Variants in GRID2 observed in about 807,000 individuals in gnomAD.
The protein encoded by GRID2 is glutamate receptor ionotropic, delta-2.
Under a neutral mutation model 114.8 loss-of-function variants are expected in GRID2, and 33 were observed. The ratio of observed to expected loss-of-function variants is 0.29; its 90% CI spans 0.22 to 0.38. The LOEUF (loss-of-function observed/expected upper bound fraction) is 0.38, where lower values mean the gene tolerates loss of function less well. Among genes scored for constraint, GRID2 ranks in the 10% least tolerant of loss-of-function variants. The pLI, the probability that GRID2 is intolerant of heterozygous loss-of-function variation, is 1.00. For missense variants in GRID2, 1,184 were observed against 1,257.7 expected (o/e 0.94, Z 0.89); for synonymous variants, 505 against 449.9 (o/e 1.12, Z -1.55).
intron 8 of GRID2, among the ~76,000 whole-genome samples, chr4:93,360,015 T>C (rs1579812881): frequency 6.7e-6 from 1 of 148,908 alleles, no homozygotes; most frequent in East Asian, 2.0e-4. Context: ...GCAAGTCTTC[T>C]TAAAGTCTTG....
chr4:92,406,169 G>A (rs1169894256), intron 1 of GRID2, among the ~76,000 whole-genome samples: 1 of 152,096 alleles, frequency 6.6e-6, no homozygotes, highest in African/African-American at 2.4e-5. Flanking sequence ...AAATGTTAAT[G>A]TCCTTTGGCA....
intron 13 of GRID2, among the ~76,000 whole-genome samples, chr4:93,588,336 A>T (rs1380274644): frequency 6.6e-6 from 1 of 152,114 alleles, no homozygotes; most frequent in Non-Finnish European, 1.5e-5. Context: ...TTTTATACAC[A>T]TTCATTATGT....
chr4:92,540,222 G>A (rs534704510), intron 1 of GRID2, among the ~76,000 whole-genome samples: 1 of 152,250 alleles, frequency 6.6e-6, no homozygotes, highest in South Asian at 2.1e-4. Context: ...ATACCATTCA[G>A]GACATAGGCA....
intron 2 of GRID2, among the ~76,000 whole-genome samples, chr4:92,626,714 C>G (rs1224868657): frequency 6.6e-6 from 1 of 151,964 alleles, no homozygotes; most frequent in African/African-American, 2.4e-5. Context: ...ATATCTTCAA[C>G]CCATGCATTT....
chr4:92,680,190 A>T (rs1271853958), intron 2 of GRID2, among the ~76,000 whole-genome samples: 1 of 152,126 alleles, frequency 6.6e-6, no homozygotes, highest in Non-Finnish European at 1.5e-5. Context: ...GAAATCATTT[A>T]GTGTAAGTTT....
At chr4:93,739,704 C>T (rs1439547) in intron 14 of GRID2, among the ~76,000 whole-genome samples, 86,556 of 151,898 alleles carry the variant, frequency 0.57, 25,322 homozygotes, top group East Asian at 0.73. Flanking sequence ...AACCAACTTC[C>T]TTCAGTACAT....
At chr4:93,648,683 G>A (rs902441106) in intron 14 of GRID2, among the ~76,000 whole-genome samples, 2 of 152,160 alleles carry the variant, frequency 1.3e-5, no homozygotes, top group Admixed American at 6.5e-5. Context: ...TTCTGGTTTC[G>A]CAGGCATGTA....
At chr4:93,433,966 A>G (rs967910164) in intron 10 of GRID2, among the ~76,000 whole-genome samples, 1 of 152,130 alleles carries the variant, frequency 6.6e-6, no homozygotes, top group African/African-American at 2.4e-5. Flanking sequence ...AAATCCTTCC[A>G]TGATTCTCTC....
chr4:92,545,752 C>T (rs1275327126), intron 1 of GRID2, among the ~76,000 whole-genome samples: 1 of 152,108 alleles, frequency 6.6e-6, no homozygotes, highest in Non-Finnish European at 1.5e-5. Flanking sequence ...CTTTGATTCA[C>T]TTGGCTGCGA....
intron 13 of GRID2, among the ~76,000 whole-genome samples, chr4:93,568,556 G>A (rs547658208): frequency 5.3e-5 from 8 of 152,122 alleles, no homozygotes; most frequent in Admixed American, 2.0e-4. Context: ...GAAATGAATC[G>A]ACTATAATAA....
intron 14 of GRID2, among the ~76,000 whole-genome samples, chr4:93,675,675 G>A (rs1487049177): frequency 6.6e-6 from 1 of 152,174 alleles, no homozygotes; most frequent in African/African-American, 2.4e-5. Flanking sequence ...TAACCACTTT[G>A]CTCTACTATC....
chr4:93,206,526 G>T (rs1450982566), intron 4 of GRID2, among the ~76,000 whole-genome samples: 2 of 151,538 alleles, frequency 1.3e-5, no homozygotes, highest in African/African-American at 4.8e-5. Flanking sequence ...TCAGAAGAAC[G>T]TGTCTTAGAA....
intron 2 of GRID2, among the ~76,000 whole-genome samples, chr4:92,934,145 T>C (rs376252366): frequency 1.1e-4 from 17 of 151,982 alleles, no homozygotes; most frequent in East Asian, 5.8e-4. Flanking sequence ...TTTCATAATA[T>C]TGATTCTTCC....
intron 2 of GRID2, among the ~76,000 whole-genome samples, chr4:92,643,210 T>G (rs575019701): frequency 6.6e-6 from 1 of 151,958 alleles, no homozygotes; most frequent in Admixed American, 6.6e-5. Flanking sequence ...ATTTCAATGA[T>G]ATTGATTCTT....
At chr4:93,235,887 A>G (rs1397863072) in intron 7 of GRID2, among the ~76,000 whole-genome samples, 1 of 152,090 alleles carries the variant, frequency 6.6e-6, no homozygotes, top group Admixed American at 6.6e-5. Flanking sequence ...ACACAACACC[A>G]GATTAGTCTA....
intron 2 of GRID2, among the ~76,000 whole-genome samples, chr4:93,047,471 A>C (rs1048797768): frequency 3.3e-5 from 5 of 151,992 alleles, no homozygotes; most frequent in African/African-American, 9.7e-5. Flanking sequence ...ATCTAAACTA[A>C]ATATTTAGTT....
intron 2 of GRID2, among the ~76,000 whole-genome samples, chr4:92,762,245 TG>T (rs1467020013): frequency 2.6e-5 from 4 of 152,228 alleles, no homozygotes; most frequent in African/African-American, 9.6e-5. Context: ...TTTATGATAC[TG>T]TCCAGGCTGA....
At chr4:93,451,244 G>A (rs950356201) in intron 10 of GRID2, among the ~76,000 whole-genome samples, 6 of 152,048 alleles carry the variant, frequency 3.9e-5, no homozygotes, top group Non-Finnish European at 7.4e-5. Flanking sequence ...ATAAACATAT[G>A]TAAGATTGCA....
chr4:92,690,041 A>G lies in GRID2; in HGVS notation c.244+99755A>G, dbSNP rs572263110. Among the ~76,000 whole-genome samples the G allele has an allele frequency of 3.9e-5, 6 of 152,130 alleles. No homozygotes were observed. The South Asian group carries it at 1.2e-3, about 32-fold the overall frequency. On this transcript the variant is annotated intron_variant, in intron 2 of 15. Transcript: ENST00000282020. ...AGGCCCTTTTACTTTCTTACTATTC[A>G]TATGTTTACTGGAGTCACCCTTAAA...
Sources: allele counts gnomAD v4.1 joint callset (sites outside exome capture counted in the v4.1 genomes callset), GRCh38; gene constraint gnomAD v4.1.1; transcripts MANE v1.5; gene names NCBI Gene and HGNC (gene_info 2026-07-23, HGNC 2026-07-21).